ACSBG2: variants seen among roughly 807,000 people sequenced by gnomAD.
The protein encoded by ACSBG2 is acyl-CoA synthetase bubblegum family member 2.
A neutral mutation model predicts 74.7 loss-of-function variants in ACSBG2; 62 were observed. The ratio of observed to expected loss-of-function variants is 0.83; its 90% CI spans 0.68 to 1.03. The LOEUF is 1.03. ACSBG2 is among the 50% of genes least tolerant of loss of function. ACSBG2 has a pLI of 0.00. For synonymous variants in ACSBG2, 309 were observed against 294.1 expected, an observed-to-expected ratio of 1.05 and a Z score of -0.52; for missense variants, 730 against 817.6, an observed-to-expected ratio of 0.89 and a Z score of 1.31.
At chr19:6,141,750 T>C (rs1374360180) in intron 2 of ACSBG2, 140 bp downstream of exon 2, 1 of 628,178 alleles carries the variant, frequency 1.6e-6, no homozygotes, top group Non-Finnish European at 2.9e-6. Context: ...CCCTTTTGTT[T>C]TGAGACAGGG....
Position 6,141,620 on chromosome 19 carries a change from A to G in ACSBG2, c.67+10A>G, listed in dbSNP as rs753632673. 2 of 1,528,252 alleles carry G rather than the reference A, an allele frequency of 1.3e-6. No homozygotes were observed. The highest frequency in any genetic ancestry group is 1.7e-5 in the Admixed American group (1 of 59,880). 94.7% of individuals were successfully genotyped at this position (1,528,252 alleles called of 1,614,324 possible). ...ATGAATAAAACAGAAGGTATATTGC[A>G]CTAAAGAGTACGTGGGAGAGAGAGT... On this transcript the variant is annotated intron_variant, in intron 2 of 14. Coordinates refer to ENST00000588485, the MANE Select transcript of ACSBG2 (RefSeq NM_030924.5).
chr19:6,165,690 G>A (rs1393921746), intron 6 of ACSBG2, among the ~76,000 whole-genome samples, 176 bp from the exon 7 acceptor site: 1 of 152,214 alleles, frequency 6.6e-6, no homozygotes, highest in Non-Finnish European at 1.5e-5. Flanking sequence ...CGAGGAAGTG[G>A]CAGAACTGGA....
chr19:6,154,347 G>A (rs1045066532), intron 4 of ACSBG2, among the ~76,000 whole-genome samples: 2 of 149,734 alleles, frequency 1.3e-5, no homozygotes, highest in African/African-American at 2.5e-5. Flanking sequence ...GCAGTGAGCC[G>A]AGATCATGCC....
chr19:6,141,916 A>G (rs1000240989), intron 2 of ACSBG2, among the ~76,000 whole-genome samples: 6 of 151,918 alleles, frequency 3.9e-5, no homozygotes, highest in Non-Finnish European at 7.4e-5. Context: ...TTTTTTGTAG[A>G]GACAGGGTTT....
rs185645308 is a variant in ACSBG2 at position 6,158,039 on chromosome 19, G to C, written c.507+1488G>C. Among the ~76,000 whole-genome samples the C allele has an allele frequency of 3.2e-4, 47 of 146,408 alleles. 2 individuals carry two copies. The East Asian group carries it at 9.5e-3, about 30-fold the overall frequency. On this transcript the variant is annotated intron_variant, in intron 5 of 14. Coordinates refer to ENST00000588485, the MANE Select transcript of ACSBG2 (RefSeq NM_030924.5). Reference sequence around the variant, plus strand: ...TTTTAGTTTTATGTTGGAATGTTTGGTTACAATTTTCTTTTTTTTTCTTTT... The same window carrying C: ...TTTTAGTTTTATGTTGGAATGTTTGCTTACAATTTTCTTTTTTTTTCTTTT...
chr19:6,186,891 T>G (rs2090422459), intron 11 of ACSBG2, among the ~76,000 whole-genome samples: 1 of 151,970 alleles, frequency 6.6e-6, no homozygotes, highest in South Asian at 2.1e-4. Context: ...GAGACCCAAT[T>G]TCACTGTGTT....
At chr19:6,181,823 C>CCCCA (rs1040683615) in intron 8 of ACSBG2, among the ~76,000 whole-genome samples, 1 of 131,462 alleles carries the variant, frequency 7.6e-6, no homozygotes, top group African/African-American at 2.8e-5. Context: ...GCCCCCCCCC[C>CCCCA]CAACGAAATT....
In ACSBG2 at chr19:6,187,290, T is replaced by C. The variant is rs1454884511; in HGVS notation, c.1548T>C (p.Leu516=). 3.7e-6 allele frequency: 6 copies of C among 1,614,144 alleles called. No homozygotes were observed. Among genetic ancestry groups the C allele is most frequent in the Non-Finnish European group, 4.2e-6 (5 of 1,180,028 alleles). The change falls in exon 12 of 15, where the codon CTT becomes CTC. Residue 516 remains leucine (L), a synonymous_variant. Coordinates refer to ENST00000588485, the MANE Select transcript of ACSBG2 (RefSeq NM_030924.5). ...AGCCAAGCTCTGTTCCAGAAATCCTTATCACTGCTGGTGGTGAAAATGTGC... is the reference window on the plus strand; with the variant it reads ...AGCCAAGCTCTGTTCCAGAAATCCTCATCACTGCTGGTGGTGAAAATGTGC... ...LYVTGHIKEI[L]ITAGGENVPP...
chr19:6,138,602 GAGGA>G (rs112561156), intron 1 of ACSBG2, among the ~76,000 whole-genome samples: 11 of 96,200 alleles, frequency 1.1e-4, no homozygotes, highest in South Asian at 8.1e-4. Context: ...AAGAGAGAGG[GAGGA>G]AGGAAGGAAG....
At chr19:6,176,408 A>C (rs1019002828) in intron 7 of ACSBG2, 17 of 1,511,442 alleles carry the variant, frequency 1.1e-5, no homozygotes, top group Non-Finnish European at 1.5e-5. Context: ...CTGTCAGTTG[A>C]AAGTCCTTTG....
At chr19:6,185,778 A>C in intron 11 of ACSBG2, 125 bp downstream of exon 11, 2 of 956,266 alleles carry the variant, frequency 2.1e-6, no homozygotes, top group Non-Finnish European at 3.2e-6. Context: ...CTGTGCAGAA[A>C]CTCCTCAGTC....
chr19:6,148,797 T>C (rs2089134806), intron 3 of ACSBG2, among the ~76,000 whole-genome samples: 1 of 152,110 alleles, frequency 6.6e-6, no homozygotes, highest in East Asian at 1.9e-4. Flanking sequence ...AAGGTCCCCC[T>C]CCTCCCGTAA....
intron 5 of ACSBG2, chr19:6,160,524 T>C (rs1407942128): frequency 6.6e-6 from 1 of 152,248 alleles, no homozygotes; most frequent in South Asian, 2.1e-4. Flanking sequence ...TTTTATTGCC[T>C]GACTCCGAGT....
At chr19:6,176,439 G>T in intron 7 of ACSBG2, 1 of 1,406,162 alleles carries the variant, frequency 7.1e-7, no homozygotes. Context: ...TGCCATCCAC[G>T]TGATCTGTAA....
At chr19:6,145,950 G>A (rs187491616) in intron 2 of ACSBG2, among the ~76,000 whole-genome samples, 1 of 152,234 alleles carries the variant, frequency 6.6e-6, no homozygotes, top group East Asian at 1.9e-4. Context: ...AATGGACGAT[G>A]GGGAATTATG....
chr19:6,141,811 G>A (rs1307161941), intron 2 of ACSBG2, among the ~76,000 whole-genome samples: 2 of 150,596 alleles, frequency 1.3e-5, no homozygotes, highest in Non-Finnish European at 2.9e-5. Context: ...ATAGCTCACT[G>A]CAGCCTTGAC....
At chr19:6,167,978 C>G (rs1300687481) in intron 7 of ACSBG2, among the ~76,000 whole-genome samples, 6 of 141,254 alleles carry the variant, frequency 4.2e-5, no homozygotes, top group Non-Finnish European at 9.0e-5. Context: ...CCCACCCTCA[C>G]CCCCACCCCC....
chr19:6,187,891 G>A (rs1257393956), intron 13 of ACSBG2, 46 bp downstream of exon 13: 4 of 1,598,494 alleles, frequency 2.5e-6, no homozygotes, highest in Non-Finnish European at 3.4e-6. Flanking sequence ...TTAGCATCTG[G>A]GACTGTGTGG....
chr19:6,169,512 C>T (rs566039918), intron 7 of ACSBG2, among the ~76,000 whole-genome samples: 1 of 152,270 alleles, frequency 6.6e-6, no homozygotes, highest in East Asian at 1.9e-4. Flanking sequence ...AATTTGAAGT[C>T]AGATAATGTG....
Sources: allele counts gnomAD v4.1 joint callset (sites outside exome capture counted in the v4.1 genomes callset), GRCh38; gene constraint gnomAD v4.1.1; transcripts MANE v1.5; gene names NCBI Gene and HGNC (gene_info 2026-07-23, HGNC 2026-07-21).